Variants in CHM observed in about 807,000 individuals in gnomAD.
The protein encoded by CHM is CHM Rab escort protein, also known as rab proteins geranylgeranyltransferase component A 1.
CHM carries 10 observed loss-of-function variants against 49.0 expected under a neutral mutation model. The ratio of observed to expected loss-of-function variants is 0.20; its 90% CI spans 0.13 to 0.35. The LOEUF (loss-of-function observed/expected upper bound fraction) is 0.35, where lower values mean the gene tolerates loss of function less well. Among genes scored for constraint, CHM ranks in the 10% least tolerant of loss-of-function variants. The probability of loss-of-function intolerance (pLI) is 1.00; values close to 1 mark genes in which losing one functional copy is unlikely to be tolerated. For missense variants in CHM, 455 were observed against 478.4 expected (o/e 0.95, Z 0.46); for synonymous variants, 184 against 167.5 (o/e 1.10, Z -0.76).
chrX:86,005,716 G>T (rs1378714079), intron 2 of CHM, among the ~76,000 whole-genome samples: 2 of 111,524 alleles, frequency 1.8e-5, no homozygotes, highest in Non-Finnish European at 3.8e-5. Context: ...AAACCGGGAA[G>T]AAGTTGAATC....
Position 85,978,810 on chromosome X carries a change from T to C in CHM, c.271A>G (p.Lys91Glu), listed in dbSNP as rs1931433409. Residue 91 changes from lysine (K) to glutamate (E), a missense_variant, in exon 4 of 15, where the codon AAG (lysine) becomes GAG (glutamate). By Grantham distance (56) the Lys-to-Glu change is moderately conservative. Transcript: ENST00000357749. ...ENEEAIALSR[K>E]DKTIQHVEVF... ...TCCACATGTTGAATAGTTTTGTCCT[T>C]CCTGCTAAGAGCAATGGCTTCTTCA... 8.3e-7 allele frequency: 1 copy of C among 1,205,865 alleles called. No individual in the cohort carries two copies. The highest frequency in any genetic ancestry group is 1.7e-5 in the African/African-American group (1 of 57,229).
intron 2 of CHM, among the ~76,000 whole-genome samples, chrX:86,004,816 A>C (rs1932818823): frequency 9.0e-6 from 1 of 111,633 alleles, no homozygotes; most frequent in Non-Finnish European, 1.9e-5. Flanking sequence ...TAATAATGGG[A>C]GACTTTAACA....
chrX:86,006,889 C>A (rs1301400126), intron 2 of CHM, among the ~76,000 whole-genome samples: 3 of 111,762 alleles, frequency 2.7e-5, no homozygotes, highest in Non-Finnish European at 5.6e-5. Context: ...TGACTTTCTT[C>A]ACAGAATTGG....
chrX:86,043,219 T>A (rs1473856332), intron 1 of CHM, among the ~76,000 whole-genome samples: 1 of 111,147 alleles, frequency 9.0e-6, no homozygotes, highest in East Asian at 2.9e-4. Flanking sequence ...CACAAGAAAT[T>A]CTGTAATTTT....
At chrX:86,021,825 G>T (rs912032425) in intron 2 of CHM, among the ~76,000 whole-genome samples, 5 of 111,982 alleles carry the variant, frequency 4.5e-5, no homozygotes, top group Admixed American at 9.5e-5. Context: ...CACACAGTGG[G>T]ATATTATCCA....
At chrX:86,020,267 C>A (rs1358439614) in intron 2 of CHM, among the ~76,000 whole-genome samples, 1 of 111,291 alleles carries the variant, frequency 9.0e-6, no homozygotes, top group Non-Finnish European at 1.9e-5. Context: ...TTCCACAAAT[C>A]TCACAGGCAT....
At chrX:85,899,125 C>T (rs1275012086) in intron 11 of CHM, among the ~76,000 whole-genome samples, 4 of 111,814 alleles carry the variant, frequency 3.6e-5, no homozygotes, top group African/African-American at 6.5e-5. Context: ...CTGAAAGTCA[C>T]GCCTACTGAG....
chrX:85,897,072 A>G (rs1344189911), intron 11 of CHM, among the ~76,000 whole-genome samples: 5 of 90,856 alleles, frequency 5.5e-5, no homozygotes, highest in Admixed American at 2.7e-4. Context: ...AATATATTAT[A>G]TATTAATTAC....
chrX:85,901,159 T>C lies in CHM; in HGVS notation c.1274A>G (p.Gln425Arg), dbSNP rs1926262705. 8.4e-7 allele frequency: 1 copy of C among 1,188,301 alleles called. No individual in the cohort carries two copies. Among genetic ancestry groups the C allele is most frequent in the Non-Finnish European group, 1.1e-6 (1 of 878,226 alleles). The stretch of plus-strand genomic sequence containing the variant: ...GAGGAAATGCTCAGAGATTATTCTC[T>C]GACCAAACTGATCTATAATTGCTTT... ...KCKAIIDQFG[Q>R]RIISEHFLVE... is the part of the protein sequence containing the mutation. Residue 425 changes from glutamine to arginine, a missense_variant, in exon 10 of 15, where the codon CAG becomes CGG. Coordinates refer to ENST00000357749, the MANE Select transcript of CHM (RefSeq NM_000390.4).
At chrX:85,998,470 T>C (rs1932552036) in intron 2 of CHM, among the ~76,000 whole-genome samples, 1 of 112,059 alleles carries the variant, frequency 8.9e-6, no homozygotes, top group African/African-American at 3.2e-5. Flanking sequence ...TATAACATCC[T>C]GATGTACCCA....
chrX:85,899,726 C>T (rs748212828), intron 11 of CHM, among the ~76,000 whole-genome samples: 11 of 89,612 alleles, frequency 1.2e-4, no homozygotes, highest in African/African-American at 4.6e-4. Context: ...CTTATGACCC[C>T]AAGCATTTTG....
intron 13 of CHM, among the ~76,000 whole-genome samples, chrX:85,876,578 CT>C (rs1482339122): frequency 9.0e-6 from 1 of 111,352 alleles, no homozygotes; most frequent in Non-Finnish European, 1.9e-5. Context: ...CCAGTGCTCA[CT>C]TTATCTGGTG....
chrX:85,961,201 C>T (rs1462395316), intron 5 of CHM, among the ~76,000 whole-genome samples: 1 of 110,217 alleles, frequency 9.1e-6, no homozygotes, highest in African/African-American at 3.3e-5. Flanking sequence ...GCAGGCAGGT[C>T]ACGGGGTCAA....
Position 86,027,442 on chromosome X carries a change from T to C in CHM, c.116+49A>G, listed in dbSNP as rs199569749. The C allele has an allele frequency of 1.3e-5, 13 of 1,010,154 alleles. No individual in the cohort carries two copies. In the East Asian group the frequency reaches 3.1e-4, roughly 24 times the overall value. 83.2% of individuals were successfully genotyped at this position (1,010,154 alleles called of 1,213,427 possible). ...TATGTGTTTATGTAAATTTTAATCC[T>C]GTATAGAGATATTTAGGAAATATTA... is the stretch of plus-strand genomic sequence containing the variant. On this transcript the variant is annotated intron_variant, in intron 2 of 14. Transcript: ENST00000357749.
chrX:85,909,995 G>T (rs1038770196), intron 9 of CHM, among the ~76,000 whole-genome samples: 6 of 111,496 alleles, frequency 5.4e-5, no homozygotes, highest in African/African-American at 1.6e-4. Flanking sequence ...GGCCTTTAGG[G>T]ATTAATTTTT....
At position 85,922,326 on chromosome X, in the gene CHM, C is replaced by T. The variant is rs749548882; in HGVS notation, c.1167-10988G>A. 5.6e-4 allele frequency among the ~76,000 whole-genome samples: 62 copies of T among 111,141 alleles called. 1 individual carries two copies. Among genetic ancestry groups the T allele is most frequent in the Middle Eastern group, 9.4e-3 (2 of 213 alleles). ...TAACATTCCCCCCTTTTTTTTCTTC[C>T]TTTCTTGGTATTTGGTATCTTTCTT... On this transcript the variant is annotated intron_variant, in intron 8 of 14. Coordinates refer to ENST00000357749, the MANE Select transcript of CHM (RefSeq NM_000390.4).
chrX:86,025,967 C>T (rs1326162844), intron 2 of CHM, among the ~76,000 whole-genome samples: 1 of 110,556 alleles, frequency 9.0e-6, no homozygotes, highest in Non-Finnish European at 1.9e-5. Context: ...CTTTTACTAT[C>T]ATTCTACCTT....
intron 1 of CHM, among the ~76,000 whole-genome samples, chrX:86,046,524 C>T (rs775018273): frequency 8.9e-6 from 1 of 112,007 alleles, no homozygotes; most frequent in Admixed American, 9.4e-5. Flanking sequence ...GAGAAGACAA[C>T]GAACTGAATT....
intron 4 of CHM, among the ~76,000 whole-genome samples, chrX:85,965,538 A>C (rs1930531436): frequency 8.9e-6 from 1 of 111,828 alleles, no homozygotes. Flanking sequence ...ATGCTTAATT[A>C]ATAATGGTTT....
Sources: gnomAD v4.1 joint callset for allele counts (sites outside exome capture counted in the v4.1 genomes callset) on GRCh38, gnomAD v4.1.1 for gene constraint, MANE v1.5 for transcripts, NCBI Gene and HGNC (gene_info 2026-07-23, HGNC 2026-07-21) for gene names.